The following SMYD3 variants were observed in gnomAD, a reference collection of about 807,000 sequenced individuals.
SMYD3 encodes SET and MYND domain containing 3.
SMYD3 carries 36 observed loss-of-function variants against 57.7 expected under a neutral mutation model. The observed-to-expected ratio is 0.62, with a 90% CI of 0.48 to 0.82. The LOEUF (loss-of-function observed/expected upper bound fraction) is 0.82, where lower values mean the gene tolerates loss of function less well. Among genes scored for constraint, SMYD3 ranks in the 40% least tolerant of loss-of-function variants. SMYD3 has a pLI of 0.00. For missense variants in SMYD3, 515 were observed against 538.8 expected, an observed-to-expected ratio of 0.96 and a Z score of 0.44; for synonymous variants, 211 against 195.0, an observed-to-expected ratio of 1.08 and a Z score of -0.68.
intron 5 of SMYD3, among the ~76,000 whole-genome samples, chr1:246,049,948 C>T (rs1414861695): frequency 3.3e-5 from 5 of 152,054 alleles, no homozygotes; most frequent in African/African-American, 4.8e-5. Context: ...TTTCAATAGA[C>T]GTAGTAAATA....
At chr1:245,853,269 C>G (rs899132717) in intron 10 of SMYD3, among the ~76,000 whole-genome samples, 3 of 152,188 alleles carry the variant, frequency 2.0e-5, no homozygotes, top group Admixed American at 1.3e-4. Context: ...CTAGATACAA[C>G]AGCCAAGGAC....
intron 5 of SMYD3, among the ~76,000 whole-genome samples, chr1:245,967,416 T>C (rs1034182810): frequency 2.0e-5 from 3 of 152,204 alleles, no homozygotes; most frequent in Non-Finnish European, 4.4e-5. Context: ...ACTCAGACAA[T>C]GCCAGGCACA....
chr1:245,753,366 AAG>A (rs1434475414), intron 11 of SMYD3, among the ~76,000 whole-genome samples: 1 of 152,210 alleles, frequency 6.6e-6, no homozygotes, highest in East Asian at 1.9e-4. Context: ...GTAGATGAGA[AAG>A]GGAGAGAAAA....
chr1:246,247,894 G>C (rs541148556), intron 5 of SMYD3, among the ~76,000 whole-genome samples: 1 of 152,200 alleles, frequency 6.6e-6, no homozygotes, highest in South Asian at 2.1e-4. Context: ...CTGGATTAGC[G>C]AGCGGTTATG....
chr1:245,951,395 C>A (rs747423912), intron 5 of SMYD3, among the ~76,000 whole-genome samples: 3 of 139,102 alleles, frequency 2.2e-5, no homozygotes, highest in Non-Finnish European at 3.0e-5. Flanking sequence ...CGGTGAAACC[C>A]CATCTCTACT....
chr1:245,861,468 C>A (rs1438385001), intron 9 of SMYD3, among the ~76,000 whole-genome samples: 1 of 152,208 alleles, frequency 6.6e-6, no homozygotes, highest in Admixed American at 6.5e-5. Flanking sequence ...TGTCAGACCA[C>A]AGAGCTTTTA....
intron 5 of SMYD3, among the ~76,000 whole-genome samples, chr1:246,269,064 C>A (rs1449632110): frequency 1.3e-5 from 2 of 152,062 alleles, no homozygotes; most frequent in African/African-American, 2.4e-5. Context: ...TAAATAAAAT[C>A]TCTCCCTTTT....
intron 5 of SMYD3, among the ~76,000 whole-genome samples, chr1:245,994,384 G>T (rs1488665559): frequency 6.6e-6 from 1 of 152,192 alleles, no homozygotes; most frequent in African/African-American, 2.4e-5. Flanking sequence ...GGGACGCGGG[G>T]CTTTAGGTAA....
chr1:246,457,881 T>G (rs924569263), intron 1 of SMYD3, among the ~76,000 whole-genome samples: 12 of 152,226 alleles, frequency 7.9e-5, no homozygotes, highest in African/African-American at 2.9e-4. Flanking sequence ...CACTACTGAT[T>G]CTTTCCAAAA....
intron 5 of SMYD3, among the ~76,000 whole-genome samples, chr1:246,139,601 T>A (rs540335660): frequency 6.6e-6 from 1 of 152,242 alleles, no homozygotes; most frequent in African/African-American, 2.4e-5. Context: ...GAAACACATT[T>A]CTTTAACAAA....
intron 1 of SMYD3, among the ~76,000 whole-genome samples, chr1:246,370,576 A>G (rs1218607272): frequency 6.6e-6 from 1 of 152,198 alleles, no homozygotes; most frequent in Non-Finnish European, 1.5e-5. Flanking sequence ...AAGGCAAACT[A>G]TGAGATAATC....
intron 5 of SMYD3, among the ~76,000 whole-genome samples, chr1:246,307,764 C>A (rs943724623): frequency 6.6e-6 from 1 of 152,112 alleles, no homozygotes; most frequent in East Asian, 1.9e-4. Context: ...ACGAGGAGGG[C>A]TCACAAAGGG....
chr1:246,442,442 G>A (rs963230063), intron 1 of SMYD3, among the ~76,000 whole-genome samples: 6 of 152,132 alleles, frequency 3.9e-5, no homozygotes, highest in South Asian at 4.2e-4. Context: ...CCAGCTACTC[G>A]GGAGGCTGAG....
chr1:246,412,649 G>A (rs1325544263), intron 1 of SMYD3, among the ~76,000 whole-genome samples: 1 of 151,906 alleles, frequency 6.6e-6, no homozygotes, highest in Admixed American at 6.6e-5. Context: ...ATGAGGTCAG[G>A]AGTTCAAGAC....
Position 246,418,037 on chromosome 1 carries a change from C to T in SMYD3, c.165-62943G>A, listed in dbSNP as rs116921054. Among the ~76,000 whole-genome samples, 22 of 152,286 alleles carry T rather than the reference C, an allele frequency of 1.4e-4. No individual in the cohort carries two copies. In the East Asian group the frequency reaches 3.3e-3, roughly 23 times the overall value. ...TAACCTTAGCAAGGTGGTTTCAGTT[C>T]TCTGAGTCTCATATACTGTGTGGCC... On this transcript the variant is annotated intron_variant, in intron 1 of 11. Coordinates refer to ENST00000490107, the MANE Select transcript of SMYD3 (RefSeq NM_001167740.2).
At chr1:246,080,017 T>C (rs12069507) in intron 5 of SMYD3, among the ~76,000 whole-genome samples, 26,035 of 152,112 alleles carry the variant, frequency 0.17, 4,098 homozygotes, top group African/African-American at 0.42. Flanking sequence ...GGCTTTAATT[T>C]TTCAACCCTT....
intron 1 of SMYD3, among the ~76,000 whole-genome samples, chr1:246,433,238 T>G (rs2103011315): frequency 6.6e-6 from 1 of 152,260 alleles, no homozygotes; most frequent in African/African-American, 2.4e-5. Flanking sequence ...CACCAATATC[T>G]AGGAATACAT....
chr1:245,891,939 A>G (rs1298069393), intron 8 of SMYD3, among the ~76,000 whole-genome samples: 2 of 152,144 alleles, frequency 1.3e-5, no homozygotes, highest in Non-Finnish European at 1.5e-5. Flanking sequence ...CCAGCTACTG[A>G]GGAGGCTGAC....
intron 1 of SMYD3, among the ~76,000 whole-genome samples, chr1:246,492,420 G>A (rs2068286305): frequency 6.6e-6 from 1 of 152,108 alleles, no homozygotes; most frequent in Non-Finnish European, 1.5e-5. Flanking sequence ...TGACTAGGAG[G>A]AAAAAGGACA....
Sources: allele counts gnomAD v4.1 joint callset (sites outside exome capture counted in the v4.1 genomes callset), GRCh38; gene constraint gnomAD v4.1.1; transcripts MANE v1.5; gene names NCBI Gene and HGNC (gene_info 2026-07-23, HGNC 2026-07-21).